CARD8: variants seen among roughly 807,000 people sequenced by gnomAD.
CARD8 encodes the protein caspase recruitment domain-containing protein 8.
A neutral mutation model predicts 53.2 loss-of-function variants in CARD8; 38 were observed. The ratio of observed to expected loss-of-function variants is 0.71; its 90% CI spans 0.55 to 0.94. CARD8 has a LOEUF of 0.94. Ranked by LOEUF, CARD8 falls within the 40% of genes least tolerant of loss-of-function variation. The pLI is 0.00. For missense variants in CARD8, 561 were observed against 655.5 expected, an observed-to-expected ratio of 0.86 and a Z score of 1.57; for synonymous variants, 245 against 244.9, an observed-to-expected ratio of 1.00 and a Z score of 0.00.
intron 12 of CARD8, among the ~76,000 whole-genome samples, chr19:48,217,124 A>G (rs2039481610): frequency 6.6e-6 from 1 of 152,090 alleles, no homozygotes; most frequent in South Asian, 2.1e-4. Flanking sequence ...CAGGAGGCAG[A>G]GCGCAGGCGG....
chr19:48,206,090 GT>G (rs534241405), downstream of CARD8, among the ~76,000 whole-genome samples: 189 of 151,878 alleles, frequency 1.2e-3, no homozygotes, highest in African/African-American at 4.4e-3. Context: ...TAGAGACGAG[GT>G]TTCACCACGT....
At chr19:48,214,776 T>G (rs1340477013) in intron 13 of CARD8, among the ~76,000 whole-genome samples, 1 of 9,794 alleles carries the variant, frequency 1.0e-4, no homozygotes, top group African/African-American at 1.4e-4. Context: ...AAGCTTTTTT[T>G]TTTTTTTTTT....
At position 48,234,428 on chromosome 19, in the gene CARD8, G is replaced by A. The variant is rs2043489314; in HGVS notation, c.325C>T (p.Gln109Ter). Residue 109 changes from glutamine (Q) to a stop codon, truncating the protein, a stop_gained, in exon 6 of 14, where the codon CAA becomes TAA. Transcript: ENST00000651546. LOFTEE classifies it high-confidence loss of function. Reference sequence around the variant, plus strand: ...CTGGGAATGTCCCCCCCAGATAGTTGACACTCAGGAACAGCACGGAACAAT... The same window carrying A: ...CTGGGAATGTCCCCCCCAGATAGTTAACACTCAGGAACAGCACGGAACAAT... ...PLLFRAVPEC[Q>*]LSGGDIPSVS... is the part of the protein sequence containing the mutation. The A allele has an allele frequency of 6.2e-7, 1 of 1,612,514 alleles. No individual in the cohort carries two copies. The highest frequency in any genetic ancestry group is 1.3e-5 in the African/African-American group (1 of 74,834).
At chr19:48,226,053 CA>C (rs35050640) in intron 10 of CARD8, among the ~76,000 whole-genome samples, 85 of 78,470 alleles carry the variant, frequency 1.1e-3, no homozygotes, top group African/African-American at 2.0e-3. Flanking sequence ...GACTCCGTCT[CA>C]AAAAAAAAAA....
chr19:48,218,066 C>T (rs534141051), intron 12 of CARD8, among the ~76,000 whole-genome samples: 2 of 152,302 alleles, frequency 1.3e-5, no homozygotes, highest in African/African-American at 4.8e-5. Flanking sequence ...CCACCCCTCT[C>T]CCAGGCCCCT....
intron 3 of CARD8, among the ~76,000 whole-genome samples, chr19:48,245,217 T>C (rs2045911373): frequency 6.6e-6 from 1 of 152,192 alleles, no homozygotes; most frequent in Non-Finnish European, 1.5e-5. Context: ...AAAGAATCTT[T>C]TTTTTTCTTT....
At chr19:48,242,095 G>A (rs561219501) in intron 3 of CARD8, among the ~76,000 whole-genome samples, 2 of 152,260 alleles carry the variant, frequency 1.3e-5, no homozygotes, top group African/African-American at 2.4e-5. Flanking sequence ...GTTATGGACC[G>A]AATGTATGTG....
In CARD8 at chr19:48,242,250, G is replaced by A. The variant is rs568322876; in HGVS notation, c.-43-1187C>T. Among the ~76,000 whole-genome samples, 31 of 152,186 alleles carry A rather than the reference G, an allele frequency of 2.0e-4. No homozygotes were observed. In the East Asian group the frequency reaches 2.5e-3, roughly 12 times the overall value. ...TTAGCAAAGAGACCCCAGAGACCTC[G>A]CTCCCGCTTTCTACCGTGGGAGGGC... On this transcript the variant is annotated intron_variant, in intron 3 of 13. Coordinates refer to ENST00000651546, the MANE Select transcript of CARD8 (RefSeq NM_001184900.3).
intron 10 of CARD8, among the ~76,000 whole-genome samples, chr19:48,227,206 A>G (rs1392486911): frequency 6.6e-6 from 1 of 152,228 alleles, no homozygotes; most frequent in Non-Finnish European, 1.5e-5. Flanking sequence ...AGAGAGTTGA[A>G]TAAATCGCTT....
chr19:48,215,353 A>T lies in CARD8; in HGVS notation c.1335T>A (p.Pro445=). ...CATTTCACTTACCTGAGAAAGGAGG[A>T]GGGGCTGATGCAGCTACAAGCTGGA... is the stretch of plus-strand genomic sequence containing the variant. The part of the protein sequence containing the change: ...VDLQLVAASA[P]PPFSGAAFVK... Residue 445 remains proline (P), a synonymous_variant, in exon 13 of 14, where the codon CCT becomes CCA. Transcript: ENST00000651546. The T allele has an allele frequency of 6.2e-7, 1 of 1,610,968 alleles. No homozygotes were observed. The highest frequency in any genetic ancestry group is 8.5e-7 in the Non-Finnish European group (1 of 1,177,304).
downstream of CARD8, among the ~76,000 whole-genome samples, chr19:48,207,739 T>TTTTTTTTTGTTTTG (rs1461820478): frequency 6.3e-4 from 61 of 97,086 alleles, 1 homozygote; most frequent in Non-Finnish European, 1.3e-3. Context: ...TTTCTGTTTT[T>TTTTTTTTTGTTTTG]TTTTTTTTTT....
chr19:48,224,373 A>T lies in CARD8; in HGVS notation c.1036-2518T>A, dbSNP rs76904686. Among the ~76,000 whole-genome samples, 1,110 of 152,320 alleles carry T rather than the reference A, an allele frequency of 7.3e-3. 11 individuals carry two copies. The highest frequency in any genetic ancestry group is 0.025 in the African/African-American group (1,056 of 41,578). Reference sequence around the variant, plus strand: ...ATTTAGGCATGTAACCAACACAAAAAATAATTGCTATTTATGTGCTTCCCT... The same window carrying T: ...ATTTAGGCATGTAACCAACACAAAATATAATTGCTATTTATGTGCTTCCCT... On this transcript the variant is annotated intron_variant, in intron 10 of 13. Coordinates refer to ENST00000651546, the MANE Select transcript of CARD8 (RefSeq NM_001184900.3).
chr19:48,229,649 G>A (rs1363724089), intron 10 of CARD8, among the ~76,000 whole-genome samples: 9 of 152,154 alleles, frequency 5.9e-5, no homozygotes, highest in African/African-American at 1.7e-4. Flanking sequence ...TTATCCAGGT[G>A]CACAGCAGCT....
Position 48,212,030 on chromosome 19 carries a change from G to T in CARD8, c.1349-55C>A, listed in dbSNP as rs1376381548. On this transcript the variant is annotated intron_variant, in intron 13 of 13. Transcript: ENST00000651546. ...AGAATCGTTCACTTACAGGATTCAG[G>T]ATCTATACCAAGCTTAGAGTCAAAA... 2.6e-6 allele frequency: 4 copies of T among 1,544,198 alleles called. No homozygotes were observed. In the African/African-American group the frequency reaches 4.1e-5, roughly 16 times the overall value.
chr19:48,226,800 T>C (rs997413358), intron 10 of CARD8, among the ~76,000 whole-genome samples: 1 of 151,704 alleles, frequency 6.6e-6, no homozygotes, highest in Non-Finnish European at 1.5e-5. Context: ...AGAATCAAAA[T>C]TGATGAGATG....
At position 48,241,054 on chromosome 19, in the gene CARD8, C is replaced by A. The variant is rs768625731; in HGVS notation, c.-34G>T. On this transcript the variant is annotated 5_prime_UTR_variant, in exon 4 of 14. Transcript: ENST00000651546. ...TGTGGTATTTATGTCTTTACTGTAT[C>A]TTTTTTACCCTGAAAAAATAAAAGG... 5.4e-6 allele frequency: 8 copies of A among 1,484,078 alleles called. No homozygotes were observed. In the South Asian group the frequency reaches 8.5e-5, roughly 16 times the overall value. The allele number at this position is 1,484,078 out of a possible 1,614,324, so 91.9% of individuals were successfully genotyped here. A position where few individuals can be genotyped will look rare whatever the true frequency, so the allele number is the denominator to read the frequency against.
At chr19:48,224,438 T>TG (rs141324570) in intron 10 of CARD8, among the ~76,000 whole-genome samples, 4,286 of 152,292 alleles carry the variant, frequency 0.028, 91 homozygotes, top group Non-Finnish European at 0.043. Flanking sequence ...TATTAATATG[T>TG]GTATTAAAAC....
intron 12 of CARD8, among the ~76,000 whole-genome samples, chr19:48,217,412 C>G (rs898287536): frequency 6.6e-6 from 1 of 152,206 alleles, no homozygotes; most frequent in African/African-American, 2.4e-5. Context: ...GTCCTTCTTC[C>G]TGGGCATTCA....
chr19:48,221,633 TA>T (rs753412730), intron 11 of CARD8, 96 bp downstream of exon 11: 62 of 854,812 alleles, frequency 7.3e-5, no homozygotes, highest in Non-Finnish European at 9.0e-5. Context: ...TTGTGATTAA[TA>T]AAAGAAAAAT....
Sources: gnomAD v4.1 joint callset for allele counts (sites outside exome capture counted in the v4.1 genomes callset) on GRCh38, gnomAD v4.1.1 for gene constraint, MANE v1.5 for transcripts, NCBI Gene and HGNC (gene_info 2026-07-23, HGNC 2026-07-21) for gene names.